CNTNAP2: variants seen among roughly 807,000 people sequenced by gnomAD.
CNTNAP2 encodes the protein contactin associated protein 2, also known as contactin-associated protein-like 2.
CNTNAP2 carries 98 observed loss-of-function variants against 155.2 expected under a neutral mutation model. That is an observed-to-expected ratio of 0.63 (90% confidence interval 0.54 to 0.75). The LOEUF (loss-of-function observed/expected upper bound fraction) is 0.75. CNTNAP2 is among the 30% of genes least tolerant of loss of function. The pLI is 0.00. For missense variants in CNTNAP2, 1,727 were observed against 1,688.1 expected, an observed-to-expected ratio of 1.02 and a Z score of -0.40; for synonymous variants, 651 against 631.2, an observed-to-expected ratio of 1.03 and a Z score of -0.47.
intron 13 of CNTNAP2, among the ~76,000 whole-genome samples, chr7:147,733,846 G>T (rs1796789941): frequency 1.3e-5 from 2 of 152,168 alleles, no homozygotes; most frequent in African/African-American, 4.8e-5. Flanking sequence ...GAATGCTTGT[G>T]ATTTTTGCAC....
chr7:147,999,561 G>A (rs912688387), intron 15 of CNTNAP2, among the ~76,000 whole-genome samples: 1 of 152,134 alleles, frequency 6.6e-6, no homozygotes, highest in African/African-American at 2.4e-5. Flanking sequence ...ATTGTTGTGG[G>A]TTGAATAACA....
chr7:148,115,946 C>A (rs1213781890), intron 15 of CNTNAP2, among the ~76,000 whole-genome samples: 1 of 152,040 alleles, frequency 6.6e-6, no homozygotes, highest in Non-Finnish European at 1.5e-5. Flanking sequence ...CGAGACCAGC[C>A]TGACCAATAT....
chr7:148,376,374 G>A lies in CNTNAP2; in HGVS notation c.3476-7275G>A. ...ATCTACAGAAAATTTTTAAAAACAA[G>A]CCAGTCATGGTGGTGTGCGCCTGTA... On this transcript the variant is annotated intron_variant, in intron 21 of 23. Coordinates refer to ENST00000361727, the MANE Select transcript of CNTNAP2 (RefSeq NM_014141.6). Among the ~76,000 whole-genome samples, 2 of 65,658 alleles carry A rather than the reference G, an allele frequency of 3.0e-5. 1 individual carries two copies. 43.1% of individuals were successfully genotyped at this position (65,658 alleles called of 152,430 possible).
At chr7:148,232,161 C>G (rs1250631110) in intron 20 of CNTNAP2, among the ~76,000 whole-genome samples, 1 of 152,130 alleles carries the variant, frequency 6.6e-6, no homozygotes, top group Admixed American at 6.5e-5. Context: ...GACCTGCCCA[C>G]CACTGAGGGC....
chr7:147,883,551 G>A (rs1334798006), intron 13 of CNTNAP2, among the ~76,000 whole-genome samples: 1 of 152,080 alleles, frequency 6.6e-6, no homozygotes, highest in Non-Finnish European at 1.5e-5. Flanking sequence ...TATATAAGTG[G>A]CATAATTGCT....
intron 8 of CNTNAP2, among the ~76,000 whole-genome samples, chr7:147,254,792 T>C (rs527474478): frequency 2.6e-5 from 4 of 152,286 alleles, no homozygotes; most frequent in Admixed American, 1.3e-4. Context: ...AAAATTCTCA[T>C]TGGGGGCACT....
chr7:148,127,784 G>T (rs1463721053), intron 16 of CNTNAP2, among the ~76,000 whole-genome samples: 1 of 152,176 alleles, frequency 6.6e-6, no homozygotes, highest in African/African-American at 2.4e-5. Flanking sequence ...CTGTTGTTCT[G>T]TTGGGGTGTT....
At chr7:146,471,004 C>G (rs541077712) in intron 1 of CNTNAP2, among the ~76,000 whole-genome samples, 2 of 152,084 alleles carry the variant, frequency 1.3e-5, no homozygotes, top group African/African-American at 4.8e-5. Context: ...GACCCAATTA[C>G]CAATTTTCTG....
At chr7:147,085,647 A>G (rs1292540526) in intron 4 of CNTNAP2, 1 of 152,196 alleles carries the variant, frequency 6.6e-6, no homozygotes, top group Non-Finnish European at 1.5e-5. Flanking sequence ...AGAGCTAAAA[A>G]CATACAGACT....
chr7:148,056,381 T>G (rs1327676848), intron 15 of CNTNAP2: 1 of 152,214 alleles, frequency 6.6e-6, no homozygotes, highest in Non-Finnish European at 1.5e-5. Flanking sequence ...GCAGAAATGT[T>G]TCTATCACTT....
chr7:146,487,994 GA>G (rs926616869), intron 1 of CNTNAP2, among the ~76,000 whole-genome samples: 2 of 151,916 alleles, frequency 1.3e-5, no homozygotes, highest in African/African-American at 4.8e-5. Context: ...GTTAAGAAAA[GA>G]AAAAAAGACT....
intron 1 of CNTNAP2, among the ~76,000 whole-genome samples, chr7:146,530,172 G>A (rs1584965967): frequency 1.3e-5 from 2 of 152,232 alleles, no homozygotes; most frequent in South Asian, 4.1e-4. Context: ...TAACTGGCTA[G>A]CCATATGCAG....
At chr7:146,458,959 A>G (rs574118725) in intron 1 of CNTNAP2, among the ~76,000 whole-genome samples, 1 of 152,064 alleles carries the variant, frequency 6.6e-6, no homozygotes, top group South Asian at 2.1e-4. Flanking sequence ...TTCTCTGGAG[A>G]ACTCTAATAC....
At chr7:147,445,929 T>C (rs555925382) in intron 10 of CNTNAP2, among the ~76,000 whole-genome samples, 2 of 152,096 alleles carry the variant, frequency 1.3e-5, no homozygotes, top group East Asian at 3.9e-4. Flanking sequence ...TCATTAATTT[T>C]AAGATGATTC....
intron 3 of CNTNAP2, among the ~76,000 whole-genome samples, chr7:146,924,181 G>C (rs758362408): frequency 6.6e-6 from 1 of 152,080 alleles, no homozygotes; most frequent in South Asian, 2.1e-4. Flanking sequence ...CTCAGGCCTT[G>C]TCAGGTTTCT....
At chr7:147,402,626 T>A (rs995741681) in intron 10 of CNTNAP2, among the ~76,000 whole-genome samples, 1 of 152,172 alleles carries the variant, frequency 6.6e-6, no homozygotes, top group African/African-American at 2.4e-5. Flanking sequence ...CTAAGCATTT[T>A]ATAGGCCCTA....
At chr7:147,126,866 G>C (rs1211701025) in intron 6 of CNTNAP2, among the ~76,000 whole-genome samples, 4 of 152,176 alleles carry the variant, frequency 2.6e-5, no homozygotes, top group African/African-American at 9.7e-5. Context: ...TCACTAAATT[G>C]TTCGGATCTG....
chr7:146,568,871 A>G (rs1422222103), intron 1 of CNTNAP2, among the ~76,000 whole-genome samples: 1 of 152,114 alleles, frequency 6.6e-6, no homozygotes, highest in Non-Finnish European at 1.5e-5. Flanking sequence ...ATGGAGTAAT[A>G]TCGTATTAAT....
chr7:147,791,538 G>A (rs9640245), intron 13 of CNTNAP2, among the ~76,000 whole-genome samples: 9,102 of 150,790 alleles, frequency 0.06, 312 homozygotes, highest in African/African-American at 0.081. Context: ...CTGAATAAGG[G>A]AACTAATTCG....
Sources: allele counts gnomAD v4.1 joint callset (sites outside exome capture counted in the v4.1 genomes callset), GRCh38; gene constraint gnomAD v4.1.1; transcripts MANE v1.5; gene names NCBI Gene and HGNC (gene_info 2026-07-23, HGNC 2026-07-21).